The following RBM26 variants were observed in gnomAD, a reference collection of about 807,000 sequenced individuals.
RBM26 encodes RNA binding motif protein 26.
RBM26 carries 30 observed loss-of-function variants against 123.6 expected under a neutral mutation model. That is an observed-to-expected ratio of 0.24 (90% CI 0.18 to 0.33). The LOEUF (loss-of-function observed/expected upper bound fraction) is 0.33. RBM26 is among the 10% of genes least tolerant of loss of function. The probability of loss-of-function intolerance (pLI) is 1.00; values close to 1 mark genes in which losing one functional copy is unlikely to be tolerated. For missense variants in RBM26, 947 were observed against 1,203.6 expected (o/e 0.79, Z 3.15); for synonymous variants, 400 against 404.4 (o/e 0.99, Z 0.13).
chr13:79,313,353 C>T (rs937483679), exon 5 of RBM26: 4 of 109,934 alleles, frequency 3.6e-5, no homozygotes, highest in African/African-American at 1.5e-4. Flanking sequence ...TTTTGTTTTG[C>T]TTTGTTTTTA....
chr13:79,334,727 A>G (rs779478923), intron 19 of RBM26, among the ~76,000 whole-genome samples: 7 of 152,112 alleles, frequency 4.6e-5, no homozygotes, highest in Non-Finnish European at 7.4e-5. Flanking sequence ...CGTTCTTGCT[A>G]ACTAACTTTC....
At chr13:79,358,241 G>A (rs1426488647) in intron 11 of RBM26, 33 bp downstream of exon 11, 1 of 1,531,064 alleles carries the variant, frequency 6.5e-7, no homozygotes, top group Non-Finnish European at 8.8e-7. Context: ...TAAACAGAAA[G>A]AAGAGATAAC....
At chr13:79,326,252 A>G (rs1001860982) in intron 20 of RBM26, among the ~76,000 whole-genome samples, 8 of 152,232 alleles carry the variant, frequency 5.3e-5, no homozygotes, top group African/African-American at 1.2e-4. Flanking sequence ...ATTAATGCAA[A>G]TAACTTTTTA....
At chr13:79,363,409 T>C (rs1263699295) in intron 9 of RBM26, among the ~76,000 whole-genome samples, 1 of 152,014 alleles carries the variant, frequency 6.6e-6, no homozygotes, top group Admixed American at 6.6e-5. Context: ...GGGAGAGGAC[T>C]AAAAAGAGAT....
intron 21 of RBM26, 24 bp from the exon 22 acceptor site, chr13:79,320,734 A>C: frequency 3.7e-6 from 5 of 1,358,702 alleles, no homozygotes; most frequent in Non-Finnish European, 4.8e-6. Context: ...TGTATTTAGG[A>C]ATTTACCCAA....
chr13:79,388,401 C>A (rs2140349709), intron 1 of RBM26, among the ~76,000 whole-genome samples: 1 of 152,346 alleles, frequency 6.6e-6, no homozygotes, highest in Non-Finnish European at 1.5e-5. Flanking sequence ...CAGCAAGCAA[C>A]ATTCTTAAAA....
intron 1 of RBM26, among the ~76,000 whole-genome samples, chr13:79,401,850 T>C (rs886567216): frequency 2.6e-5 from 4 of 152,200 alleles, no homozygotes; most frequent in Admixed American, 6.5e-5. Context: ...ACAGAGATCT[T>C]CCTTCCACCA....
chr13:79,383,423 G>A (rs2077226742), intron 1 of RBM26, among the ~76,000 whole-genome samples: 1 of 151,836 alleles, frequency 6.6e-6, no homozygotes, highest in Middle Eastern at 3.2e-3. Context: ...TAGTTACTAA[G>A]AGAGAGAATA....
At position 79,325,227 on chromosome 13, in the gene RBM26, ATTATT is replaced by A. The variant is rs528434185; in HGVS notation, c.2821-2770_2821-2766del. Reference sequence around the variant, plus strand: ...TATTTACTATACTATACTCTTTATCATTATTTTAGAGTGTACTCTAATTTTTTTTA... The same window carrying A: ...TATTTACTATACTATACTCTTTATCATTAGAGTGTACTCTAATTTTTTTTA... On this transcript the variant is annotated intron_variant, in intron 20 of 21. Coordinates refer to ENST00000438737, the MANE Select transcript of RBM26 (RefSeq NM_001366735.2). Among the ~76,000 whole-genome samples, 87 of 152,222 alleles carry A rather than the reference ATTATT, an allele frequency of 5.7e-4. 1 individual carries two copies. Among genetic ancestry groups the A allele is most frequent in the African/African-American group, 2.0e-3 (83 of 41,548 alleles).
chr13:79,321,549 G>T (rs2067671281), intron 21 of RBM26, among the ~76,000 whole-genome samples: 1 of 151,184 alleles, frequency 6.6e-6, no homozygotes, highest in South Asian at 2.1e-4. Flanking sequence ...GGTTTCAAAG[G>T]CCTCTAACAC....
In RBM26 at chr13:79,334,373, T is replaced by C. The variant is rs554307375; in HGVS notation, c.2791A>G (p.Thr931Ala). The change falls in exon 20 of 22, where the codon ACA (threonine) becomes GCA (alanine). Residue 931 changes from threonine (T) to alanine (A), a missense_variant. By Grantham distance (58) the Thr-to-Ala change is moderately conservative (BLOSUM62 0). Coordinates refer to ENST00000438737, the MANE Select transcript of RBM26 (RefSeq NM_001366735.2). ...TCAGCTTCTGCTCTTGTCTTGAATGTAATTACTGCATGAAGTGAGGAATCA... is the reference window on the plus strand; with the variant it reads ...TCAGCTTCTGCTCTTGTCTTGAATGCAATTACTGCATGAAGTGAGGAATCA... The part of the protein sequence containing the change: ...IDDSSLHAVI[T>A]FKTRAEAEAA... 1 of 1,567,400 alleles carries C rather than the reference T, an allele frequency of 6.4e-7. No homozygotes were observed. Among genetic ancestry groups the C allele is most frequent in the East Asian group, 2.3e-5 (1 of 42,942 alleles).
chr13:79,351,799 A>G (rs967386929), intron 14 of RBM26, among the ~76,000 whole-genome samples: 1 of 152,174 alleles, frequency 6.6e-6, no homozygotes, highest in African/African-American at 2.4e-5. Context: ...TGAGAAACTC[A>G]AAGTTTCTAT....
At chr13:79,401,317 T>C (rs2079037957) in intron 1 of RBM26, among the ~76,000 whole-genome samples, 1 of 152,194 alleles carries the variant, frequency 6.6e-6, no homozygotes, top group African/African-American at 2.4e-5. Flanking sequence ...TCTTTTACAA[T>C]AGTAGCCAAT....
chr13:79,341,281 T>C (rs1418072567), intron 17 of RBM26, 54 bp from the exon 18 acceptor site: 17 of 1,132,320 alleles, frequency 1.5e-5, no homozygotes, highest in Non-Finnish European at 2.1e-5. Context: ...CCTGTATTGA[T>C]ACAAACCTTT....
At chr13:79,394,916 G>A (rs987380885) in intron 1 of RBM26, among the ~76,000 whole-genome samples, 6 of 152,196 alleles carry the variant, frequency 3.9e-5, no homozygotes, top group Non-Finnish European at 7.4e-5. Context: ...TTACAGGTGT[G>A]AGCCACGGCA....
chr13:79,377,289 C>A, intron 3 of RBM26, 90 bp downstream of exon 3: 1 of 1,155,640 alleles, frequency 8.7e-7, no homozygotes, highest in East Asian at 2.4e-5. Context: ...CCTGAGGACT[C>A]CAACACAAAG....
chr13:79,364,298 T>G (rs2075033036), intron 9 of RBM26, among the ~76,000 whole-genome samples: 1 of 152,168 alleles, frequency 6.6e-6, no homozygotes, highest in African/African-American at 2.4e-5. Flanking sequence ...TCAAGGAAGA[T>G]GCTCAGAATC....
chr13:79,337,381 TAA>T, intron 18 of RBM26, 79 bp from the exon 19 acceptor site: 1 of 1,489,136 alleles, frequency 6.7e-7, no homozygotes, highest in Non-Finnish European at 9.3e-7. Context: ...GGCAGATGAA[TAA>T]AACTTTAATG....
At chr13:79,351,098 A>C in intron 14 of RBM26, among the ~76,000 whole-genome samples, 1 of 152,138 alleles carries the variant, frequency 6.6e-6, no homozygotes, top group East Asian at 1.9e-4. Context: ...TGCATTAGTA[A>C]AGTTATATTA....
Sources: allele counts gnomAD v4.1 joint callset (sites outside exome capture counted in the v4.1 genomes callset), GRCh38; gene constraint gnomAD v4.1.1; transcripts MANE v1.5; gene names NCBI Gene and HGNC (gene_info 2026-07-23, HGNC 2026-07-21).